BSN: variants seen among roughly 807,000 people sequenced by gnomAD.
The protein encoded by BSN is protein bassoon.
Under a neutral mutation model 264.8 loss-of-function variants are expected in BSN, and 57 were observed. The ratio of observed to expected loss-of-function variants is 0.22; its 90% CI spans 0.17 to 0.27. BSN has a LOEUF of 0.27. Among genes scored for constraint, BSN ranks in the 10% least tolerant of loss-of-function variants. The pLI is 1.00. For missense variants in BSN, 4,615 were observed against 5,232.5 expected (o/e 0.88, Z 3.64); for synonymous variants, 2,059 against 2,137.3 (o/e 0.96, Z 1.01).
intron 1 of BSN, among the ~76,000 whole-genome samples, chr3:49,573,761 G>A (rs912955905): frequency 4.6e-5 from 7 of 150,912 alleles, no homozygotes; most frequent in South Asian, 4.2e-4. Flanking sequence ...AAGTTCAAGC[G>A]ATTCTTCTGC....
rs2052662577 is a variant in BSN at position 49,662,074 on chromosome 3, A to G, written c.10229A>G (p.Tyr3410Cys). 1.2e-6 allele frequency: 2 copies of G among 1,613,664 alleles called. No homozygotes were observed. The highest frequency in any genetic ancestry group is 1.7e-6 in the Non-Finnish European group (2 of 1,180,044). Reference protein sequence around the residue: ...RGRKFQDEITYGLKKNVYEQQ... With the variant: ...RGRKFQDEITCGLKKNVYEQQ... ...AGGAAGTTCCAGGATGAAATCACCTATGGGCTCAAGAAGAACGTGTATGAG... is the reference window on the plus strand; with the variant it reads ...AGGAAGTTCCAGGATGAAATCACCTGTGGGCTCAAGAAGAACGTGTATGAG... Residue 3410 changes from tyrosine to cysteine, a missense_variant, in exon 6 of 12, where the codon TAT becomes TGT. Tyr to Cys is a radical substitution (Grantham distance 194). Coordinates refer to ENST00000296452, the MANE Select transcript of BSN (RefSeq NM_003458.4).
intron 2 of BSN, among the ~76,000 whole-genome samples, chr3:49,639,887 C>T (rs1270672627): frequency 6.6e-6 from 1 of 152,234 alleles, no homozygotes; most frequent in Non-Finnish European, 1.5e-5. Context: ...TGGTGCTTGG[C>T]ACAAGGGGGT....
Position 49,661,008 on chromosome 3 carries a change from C to T in BSN, c.9163C>T (p.Arg3055Cys), listed in dbSNP as rs763427491. 1.2e-5 allele frequency: 20 copies of T among 1,611,044 alleles called. No individual in the cohort carries two copies. Among genetic ancestry groups the T allele is most frequent in the South Asian group, 2.2e-5 (2 of 91,080 alleles). ...TGGTCCCACTGCCTTCCAGCAGCCC[C>T]GCTTCCAGCCTCCAGCCCCACAGTA... ...PSGPTAFQQP[R>C]FQPPAPQYSA... The change falls in exon 6 of 12, where the codon CGC becomes TGC. Residue 3055 changes from arginine to cysteine, a missense_variant. By Grantham distance (180) the Arg-to-Cys change is radical. Coordinates refer to ENST00000296452, the MANE Select transcript of BSN (RefSeq NM_003458.4).
At chr3:49,594,919 G>C (rs1191313412) in intron 1 of BSN, among the ~76,000 whole-genome samples, 1 of 131,154 alleles carries the variant, frequency 7.6e-6, no homozygotes, top group Admixed American at 8.3e-5. Flanking sequence ...ACCAAGTCTT[G>C]CTTGCTCTGT....
At chr3:49,633,646 T>G (rs1233111176) in intron 2 of BSN, among the ~76,000 whole-genome samples, 1 of 152,154 alleles carries the variant, frequency 6.6e-6, no homozygotes, top group Non-Finnish European at 1.5e-5. Flanking sequence ...ACAGCAGCAT[T>G]TTTCACAATA....
chr3:49,581,641 T>C (rs967039678), intron 1 of BSN, among the ~76,000 whole-genome samples: 9 of 151,598 alleles, frequency 5.9e-5, no homozygotes, highest in Non-Finnish European at 1.2e-4. Context: ...CTGGCCAACA[T>C]GGTGAAACCC....
At chr3:49,611,090 T>C (rs2052203394) in intron 1 of BSN, among the ~76,000 whole-genome samples, 1 of 152,240 alleles carries the variant, frequency 6.6e-6, no homozygotes, top group Admixed American at 6.5e-5. Flanking sequence ...TTGAGGTTTC[T>C]GGGTCAAAGT....
intron 2 of BSN, among the ~76,000 whole-genome samples, chr3:49,626,632 C>T (rs890806874): frequency 6.6e-6 from 1 of 152,166 alleles, no homozygotes; most frequent in African/African-American, 2.4e-5. Flanking sequence ...TGGAACAATA[C>T]GATTAAGGCC....
intron 11 of BSN, among the ~76,000 whole-genome samples, chr3:49,666,447 G>T (rs961358864): frequency 6.6e-6 from 1 of 152,232 alleles, no homozygotes; most frequent in East Asian, 1.9e-4. Context: ...CCAAGTCCCT[G>T]CCCTCTGAAG....
chr3:49,667,308 CAAAAAAAA>C (rs34434564), intron 11 of BSN, among the ~76,000 whole-genome samples: 11 of 118,084 alleles, frequency 9.3e-5, no homozygotes, highest in Non-Finnish European at 1.6e-4. Flanking sequence ...ACTCTTAAGC[CAAAAAAAA>C]AAAAAAAAAA....
intron 1 of BSN, among the ~76,000 whole-genome samples, chr3:49,563,722 A>G (rs1313893986): frequency 5.3e-5 from 8 of 152,072 alleles, no homozygotes; most frequent in Admixed American, 1.3e-4. Context: ...ATATCCTTTT[A>G]TTTTGAGCAT....
intron 1 of BSN, among the ~76,000 whole-genome samples, chr3:49,613,330 G>A (rs1018013284): frequency 6.7e-6 from 1 of 149,260 alleles, no homozygotes; most frequent in African/African-American, 2.5e-5. Flanking sequence ...GAGAGAGAGA[G>A]AGAGAGAGAG....
rs201531775 is a variant in BSN, at chr3:49,662,169, C to T, written c.10324C>T (p.Arg3442Trp). Residue 3442 changes from arginine (R) to tryptophan (W), a missense_variant, in exon 6 of 12, where the codon CGG (arginine) becomes TGG (tryptophan). Coordinates refer to ENST00000296452, the MANE Select transcript of BSN (RefSeq NM_003458.4). ...EDDRIYGGSS[R>W]SRAPSAYSGE... ...CGACCGCATTTATGGCGGGAGCAGC[C>T]GGTCCCGGGCACCTTCTGCATACAG... The T allele has an allele frequency of 6.6e-5, 106 of 1,612,814 alleles. 1 individual carries two copies. The East Asian group carries it at 1.1e-3, about 17-fold the overall frequency.
Position 49,642,194 on chromosome 3 carries a change from G to C in BSN, c.634-74G>C. ...GCTAGGAGTGGCCTTGGCTGCTGTG[G>C]GGCCTGCACTGACCTGGGCCATGAG... On this transcript the variant is annotated intron_variant, in intron 2 of 11. Coordinates refer to ENST00000296452, the MANE Select transcript of BSN (RefSeq NM_003458.4). This position sits in a 1 kb window ranked among gnomAD's most constrained non-coding sequence, Gnocchi z 7.0. The C allele has an allele frequency of 8.1e-7, 1 of 1,233,104 alleles. No individual in the cohort carries two copies. The highest frequency in any genetic ancestry group is 1.1e-6 in the Non-Finnish European group (1 of 923,508). The allele number at this position is 1,233,104 out of a possible 1,614,324, so 76.4% of individuals were successfully genotyped here. A position where few individuals can be genotyped will look rare whatever the true frequency, so the allele number is the denominator to read the frequency against.
In BSN at chr3:49,651,712, C is replaced by G; in HGVS notation, c.2156C>G (p.Pro719Arg). The G allele has an allele frequency of 6.2e-7, 1 of 1,613,832 alleles. No individual in the cohort carries two copies. Among genetic ancestry groups the G allele is most frequent in the Non-Finnish European group, 8.5e-7 (1 of 1,179,954 alleles). Reference protein sequence around the residue: ...DSAGVTGPHPPSPSEIHKVGS... With the variant: ...DSAGVTGPHPRSPSEIHKVGS... The stretch of plus-strand genomic sequence containing the variant: ...GCAGGGGTGACAGGGCCACATCCAC[C>G]CAGCCCCTCCGAGATCCACAAGGTG... Residue 719 changes from proline to arginine, a missense_variant, in exon 5 of 12, where the codon CCC (proline) becomes CGC (arginine). Physicochemically the swap from Pro to Arg is moderately radical, Grantham distance 103 (BLOSUM62 -2). Around this residue, in one of 3 missense-constraint regions of BSN, gnomAD observed 1,197 missense variants for 1,348.0 expected, o/e 0.89. Coordinates refer to ENST00000296452, the MANE Select transcript of BSN (RefSeq NM_003458.4). The surrounding 1 kb of genome is among the most constrained non-coding windows in gnomAD (Gnocchi z 5.4).
Position 49,651,816 on chromosome 3 carries a change from G to C in BSN, c.2260G>C (p.Gly754Arg), listed in dbSNP as rs139600439. 79 of 1,613,860 alleles carry C rather than the reference G, an allele frequency of 4.9e-5. No individual in the cohort carries two copies. The African/African-American group carries it at 9.5e-4, about 19-fold the overall frequency. The stretch of plus-strand genomic sequence containing the variant: ...GAGCAAGCCACTCTCCAGCGGTACT[G>C]GCGAGGAGCAGAAGCAGCGGCCCCA... ...ERSKPLSSGT[G>R]EEQKQRPHSL... The change falls in exon 5 of 12, where the codon GGC becomes CGC. Residue 754 changes from glycine (G) to arginine (R), a missense_variant. Physicochemically the swap from Gly to Arg is moderately radical, Grantham distance 125. This residue lies in a region of BSN where 1,197 missense variants were observed against 1,348.0 expected (regional missense o/e 0.89). Transcript: ENST00000296452. This position sits in a 1 kb window ranked among gnomAD's most constrained non-coding sequence, Gnocchi z 5.4.
intron 3 of BSN, 95 bp from the exon 4 acceptor site, chr3:49,650,512 TCTCTC>T: frequency 4.3e-6 from 5 of 1,169,826 alleles, no homozygotes; most frequent in Non-Finnish European, 6.2e-6. Context: ...CTTTGAAAGT[TCTCTC>T]CTCCCTAAGG....
Position 49,656,206 on chromosome 3 carries a change from G to A in BSN, c.6650G>A (p.Arg2217Gln), listed in dbSNP as rs1044414578. ...PITTQPASVLRPMVRGGMYRP... is the reference protein window; with the variant it reads ...PITTQPASVLQPMVRGGMYRP... ...ACCACCCAGCCTGCCTCAGTCCTGC[G>A]GCCCATGGTGCGTGGTGGCATGTAC... The change falls in exon 5 of 12, where the codon CGG (arginine) becomes CAG (glutamine). Residue 2217 changes from arginine (R) to glutamine (Q), a missense_variant. By Grantham distance (43) the Arg-to-Gln change is conservative (BLOSUM62 1). Transcript: ENST00000296452. 1.1e-5 allele frequency: 18 copies of A among 1,610,890 alleles called. No individual in the cohort carries two copies. Among genetic ancestry groups the A allele is most frequent in the South Asian group, 7.7e-5 (7 of 90,652 alleles).
intron 3 of BSN, among the ~76,000 whole-genome samples, chr3:49,648,957 G>A (rs1319989146): frequency 2.0e-5 from 3 of 152,196 alleles, no homozygotes; most frequent in Non-Finnish European, 4.4e-5. Flanking sequence ...AAGCAGTCTC[G>A]ACCCTGAGTA....
Sources: allele counts gnomAD v4.1 joint callset (sites outside exome capture counted in the v4.1 genomes callset), GRCh38; gene constraint gnomAD v4.1.1; regional missense constraint gnomAD v4.1.1; non-coding constraint Gnocchi (gnomAD v3.1); transcripts MANE v1.5; gene names NCBI Gene and HGNC (gene_info 2026-07-23, HGNC 2026-07-21).